ZNF827: variants seen among roughly 807,000 people sequenced by gnomAD.
ZNF827 encodes the protein zinc finger protein 827.
In ZNF827, 13 loss-of-function variants were observed where a neutral mutation model predicts 102.4. The observed-to-expected ratio is 0.13, with a 90% CI of 0.08 to 0.20. The LOEUF (loss-of-function observed/expected upper bound fraction) is 0.20, where lower values mean the gene tolerates loss of function less well. Among genes scored for constraint, ZNF827 ranks in the 10% least tolerant of loss-of-function variants. The pLI is 1.00. For missense variants in ZNF827, 1,103 were observed against 1,344.4 expected, an observed-to-expected ratio of 0.82 and a Z score of 2.81; for synonymous variants, 523 against 536.2, an observed-to-expected ratio of 0.98 and a Z score of 0.34.
intron 11 of ZNF827, among the ~76,000 whole-genome samples, chr4:145,771,542 C>T (rs1301037729): frequency 5.3e-5 from 8 of 152,158 alleles, no homozygotes; most frequent in Non-Finnish European, 1.0e-4. Flanking sequence ...AAGTCACAAG[C>T]ACCAAAGGGG....
chr4:145,928,023 C>T (rs909276019), intron 1 of ZNF827, among the ~76,000 whole-genome samples: 1 of 152,166 alleles, frequency 6.6e-6, no homozygotes, highest in African/African-American at 2.4e-5. Context: ...GTGTCTCCTG[C>T]CTACTGTAGA....
rs1164114299 is a variant in ZNF827, at chr4:145,765,278, A to G, written c.3053-113T>C. On this transcript the variant is annotated intron_variant, in intron 12 of 14. Coordinates refer to ENST00000508784, the MANE Select transcript of ZNF827 (RefSeq NM_001306215.2). This position sits in a 1 kb window ranked among gnomAD's most constrained non-coding sequence, Gnocchi z 4.7. ...CCGCCTCCTCCGACGCCTGACAGCT[A>G]TACCCTTCCAGGCACTGTTCCCCAT... The G allele has an allele frequency of 2.5e-6, 3 of 1,200,968 alleles. No homozygotes were observed. The highest frequency in any genetic ancestry group is 3.1e-5 in the African/African-American group (2 of 65,026). 74.4% of individuals were successfully genotyped at this position (1,200,968 alleles called of 1,614,324 possible).
At chr4:145,838,784 C>G (rs1416428681) in intron 7 of ZNF827, among the ~76,000 whole-genome samples, 1 of 152,194 alleles carries the variant, frequency 6.6e-6, no homozygotes, top group African/African-American at 2.4e-5. Context: ...CAGTGGCTGT[C>G]TCTAGGTAGT....
At position 145,762,933 on chromosome 4, in the gene ZNF827, G is replaced by T. The variant is rs1360408310; in HGVS notation, c.*17+157C>A. 1.3e-5 allele frequency among the ~76,000 whole-genome samples: 2 copies of T among 152,210 alleles called. No individual in the cohort carries two copies. Among genetic ancestry groups the T allele is most frequent in the Non-Finnish European group, 2.9e-5 (2 of 68,036 alleles). On this transcript the variant is annotated intron_variant, in intron 14 of 14. Coordinates refer to ENST00000508784, the MANE Select transcript of ZNF827 (RefSeq NM_001306215.2). This position sits in a 1 kb window ranked among gnomAD's most constrained non-coding sequence, Gnocchi z 4.9. ...AGGGTCTGGAGAGGTGTTCAGCAGA[G>T]CCCAACACAACCAAGTGCACCGTGC...
At chr4:145,876,503 A>G (rs1489300375) in intron 4 of ZNF827, 1 of 152,260 alleles carries the variant, frequency 6.6e-6, no homozygotes, top group African/African-American at 2.4e-5. Flanking sequence ...ATGTAGATAC[A>G]TATGGATAGA....
chr4:145,865,056 G>A (rs1748060363), intron 5 of ZNF827, among the ~76,000 whole-genome samples: 1 of 152,176 alleles, frequency 6.6e-6, no homozygotes, highest in Non-Finnish European at 1.5e-5. Context: ...TTGTTTAGAA[G>A]AGTCTCCAAC....
chr4:145,908,480 TG>T (rs777464445), intron 1 of ZNF827, among the ~76,000 whole-genome samples: 1 of 152,234 alleles, frequency 6.6e-6, no homozygotes, highest in Non-Finnish European at 1.5e-5. Flanking sequence ...GTAAAAATCT[TG>T]TAAGTTTTCC....
At chr4:145,822,114 T>A (rs915084559) in intron 8 of ZNF827, among the ~76,000 whole-genome samples, 2 of 152,206 alleles carry the variant, frequency 1.3e-5, no homozygotes, top group African/African-American at 4.8e-5. Context: ...TGTTTGAGTA[T>A]GAAGACATAA....
chr4:145,805,089 C>A (rs902179725), intron 8 of ZNF827, among the ~76,000 whole-genome samples: 9 of 151,774 alleles, frequency 5.9e-5, no homozygotes, highest in Admixed American at 3.3e-4. Context: ...AGTTCCCTGA[C>A]ACGTCTCTTT....
At chr4:145,860,625 G>A (rs910123125) in intron 5 of ZNF827, among the ~76,000 whole-genome samples, 1 of 152,124 alleles carries the variant, frequency 6.6e-6, no homozygotes, top group Non-Finnish European at 1.5e-5. Flanking sequence ...CAGGAAACCA[G>A]GAAATGTGCT....
intron 4 of ZNF827, among the ~76,000 whole-genome samples, chr4:145,878,613 A>AGGAAT (rs1376699095): frequency 7.9e-6 from 1 of 126,162 alleles, no homozygotes; most frequent in Non-Finnish European, 1.7e-5. Flanking sequence ...AGGAAAGGAA[A>AGGAAT]GGAAAGGAAA....
intron 8 of ZNF827, among the ~76,000 whole-genome samples, chr4:145,810,442 A>G (rs930232599): frequency 1.3e-5 from 2 of 152,226 alleles, no homozygotes; most frequent in African/African-American, 4.8e-5. Context: ...TAGAAATTAT[A>G]AGTGTAATGT....
intron 7 of ZNF827, among the ~76,000 whole-genome samples, chr4:145,824,085 G>A (rs955757562): frequency 5.3e-5 from 8 of 152,138 alleles, no homozygotes; most frequent in Non-Finnish European, 1.2e-4. Flanking sequence ...GTCAGAAAAC[G>A]GGGCTGCCAG....
At chr4:145,845,605 C>T (rs1745852987) in intron 7 of ZNF827, among the ~76,000 whole-genome samples, 1 of 152,154 alleles carries the variant, frequency 6.6e-6, no homozygotes, top group Non-Finnish European at 1.5e-5. Flanking sequence ...GACCCAGCCC[C>T]CAGTCCCAGC....
At chr4:145,815,430 T>C (rs549221850) in intron 8 of ZNF827, among the ~76,000 whole-genome samples, 8 of 152,288 alleles carry the variant, frequency 5.3e-5, no homozygotes, top group African/African-American at 1.9e-4. Context: ...ATCATTCCTA[T>C]CACTACATCA....
chr4:145,779,567 G>C (rs978558010), intron 8 of ZNF827, 56 bp from the exon 9 acceptor site: 1 of 1,583,658 alleles, frequency 6.3e-7, no homozygotes, highest in Non-Finnish European at 8.6e-7. Flanking sequence ...TACATTTTCT[G>C]TTAGTCAACA....
intron 1 of ZNF827, among the ~76,000 whole-genome samples, chr4:145,928,698 C>T (rs76333265): frequency 2.0e-5 from 3 of 152,312 alleles, no homozygotes; most frequent in Non-Finnish European, 2.9e-5. Context: ...GATTACTATA[C>T]GGCTTCTTGA....
At chr4:145,872,494 T>C (rs1391982944) in intron 4 of ZNF827, among the ~76,000 whole-genome samples, 2 of 152,230 alleles carry the variant, frequency 1.3e-5, no homozygotes, top group African/African-American at 4.8e-5. Context: ...AAATCTGTTA[T>C]TTAAGTCATC....
intron 8 of ZNF827, among the ~76,000 whole-genome samples, chr4:145,793,945 G>A (rs897199673): frequency 1.3e-5 from 2 of 152,104 alleles, no homozygotes; most frequent in Non-Finnish European, 2.9e-5. Flanking sequence ...AACTCTGACT[G>A]GGGGGAAGTC....
Sources: allele counts gnomAD v4.1 joint callset (sites outside exome capture counted in the v4.1 genomes callset), GRCh38; gene constraint gnomAD v4.1.1; non-coding constraint Gnocchi (gnomAD v3.1); transcripts MANE v1.5; gene names NCBI Gene and HGNC (gene_info 2026-07-23, HGNC 2026-07-21).